Variants in NPC1 observed in about 807,000 individuals in gnomAD.
NPC1 encodes the protein NPC intracellular cholesterol transporter 1.
A neutral mutation model predicts 140.4 loss-of-function variants in NPC1; 85 were observed. That is an observed-to-expected ratio of 0.61 (90% confidence interval 0.51 to 0.72). The LOEUF (loss-of-function observed/expected upper bound fraction) is 0.72. Ranked by LOEUF, NPC1 falls within the 30% of genes least tolerant of loss-of-function variation. The pLI is 0.00. For missense variants in NPC1, 1,504 were observed against 1,623.8 expected (o/e 0.93, Z 1.27); for synonymous variants, 656 against 624.8 (o/e 1.05, Z -0.74).
chr18:23,549,228 A>T (rs2058832743), intron 10 of NPC1, among the ~76,000 whole-genome samples: 1 of 151,600 alleles, frequency 6.6e-6, no homozygotes, highest in South Asian at 2.1e-4. Context: ...ACAGGATCTC[A>T]CTCTGTTGCC....
intron 4 of NPC1, among the ~76,000 whole-genome samples, chr18:23,563,604 G>A (rs1217844339): frequency 6.6e-6 from 1 of 152,182 alleles, no homozygotes; most frequent in East Asian, 1.9e-4. Flanking sequence ...TGTAGAGATG[G>A]AGTTTCACCA....
chr18:23,529,078 C>T, downstream of NPC1: 1 of 1,507,132 alleles, frequency 6.6e-7, no homozygotes, highest in African/African-American at 1.4e-5. Context: ...CCGCTCATAT[C>T]CTGGGTCCAC....
downstream of NPC1, chr18:23,526,566 A>T: frequency 6.4e-7 from 1 of 1,570,190 alleles, no homozygotes; most frequent in Non-Finnish European, 8.6e-7. Flanking sequence ...GCAGATGTTT[A>T]GGGGAACCAC....
At chr18:23,586,170 T>C (rs1223271696) in intron 1 of NPC1, 117 bp downstream of exon 1, 1 of 1,117,752 alleles carries the variant, frequency 8.9e-7, no homozygotes, top group Non-Finnish European at 1.3e-6. Context: ...GAGCTCTCCA[T>C]CGCCAGACCA....
intron 1 of NPC1, among the ~76,000 whole-genome samples, chr18:23,578,890 G>A (rs184990739): frequency 9.2e-5 from 14 of 152,262 alleles, no homozygotes; most frequent in Admixed American, 4.6e-4. Context: ...TCCCAGGGAG[G>A]CTCCCTCGTG....
intron 19 of NPC1, 26 bp from the exon 20 acceptor site, chr18:23,538,697 GTTAGAA>G: frequency 6.2e-7 from 1 of 1,612,980 alleles, no homozygotes; most frequent in Non-Finnish European, 8.5e-7. Flanking sequence ...AGGGAGGACT[GTTAGAA>G]GAATAGGTCT....
chr18:23,561,752 AAAAC>A (rs2059043087), intron 4 of NPC1, among the ~76,000 whole-genome samples: 1 of 152,206 alleles, frequency 6.6e-6, no homozygotes, highest in Non-Finnish European at 1.5e-5. Flanking sequence ...TTAAAAGTAA[AAAAC>A]AGACAGGAAA....
At chr18:23,573,426 C>T in intron 2 of NPC1, 26 bp downstream of exon 2, 1 of 1,613,974 alleles carries the variant, frequency 6.2e-7, no homozygotes, top group Non-Finnish European at 8.5e-7. Flanking sequence ...ATTTTGTGTT[C>T]CCAGTGCCTA....
At chr18:23,523,560 A>AAG (rs1385333306) in intron 1 of NPC1, among the ~76,000 whole-genome samples, 2 of 148,768 alleles carry the variant, frequency 1.3e-5, no homozygotes, top group East Asian at 1.9e-4. Context: ...AAAAAAAAAA[A>AAG]AAAAAAAAAG....
chr18:23,507,089 C>A, intron 3 of NPC1: 2 of 1,377,620 alleles, frequency 1.5e-6, no homozygotes, highest in South Asian at 1.3e-5. Flanking sequence ...CATTAAAGGG[C>A]ATTAGAAATA....
At chr18:23,525,290 C>G (rs2058265127), downstream of NPC1, among the ~76,000 whole-genome samples, 1 of 151,996 alleles carries the variant, frequency 6.6e-6, no homozygotes, top group Admixed American at 6.6e-5. Context: ...CTCCGTCACC[C>G]AGCCTGGAGT....
chr18:23,531,026 G>A (rs192948989), downstream of NPC1, among the ~76,000 whole-genome samples: 87 of 151,938 alleles, frequency 5.7e-4, no homozygotes, highest in Middle Eastern at 3.4e-3. Context: ...ACAGAGTCTC[G>A]CTCCGTTGCC....
At chr18:23,526,202 G>A (rs920777933), downstream of NPC1, among the ~76,000 whole-genome samples, 2 of 152,208 alleles carry the variant, frequency 1.3e-5, no homozygotes, top group Non-Finnish European at 2.9e-5. Context: ...TCCATTGAGA[G>A]CCTCTGGAGT....
At chr18:23,516,924 C>T (rs1174208303) in intron 3 of NPC1, among the ~76,000 whole-genome samples, 3 of 151,936 alleles carry the variant, frequency 2.0e-5, no homozygotes, top group Admixed American at 6.6e-5. Context: ...CAGGGCTTCA[C>T]CATGTTGGCC....
intron 3 of NPC1, among the ~76,000 whole-genome samples, chr18:23,507,611 T>C (rs2057748642): frequency 6.6e-6 from 1 of 152,212 alleles, no homozygotes; most frequent in South Asian, 2.1e-4. Context: ...GAGGGAAGGC[T>C]GTTAGAAACA....
chr18:23,526,186 T>C (rs2058293211), downstream of NPC1, among the ~76,000 whole-genome samples: 1 of 152,232 alleles, frequency 6.6e-6, no homozygotes, highest in South Asian at 2.1e-4. Flanking sequence ...GGATGAGTTA[T>C]GATGTTCCAT....
chr18:23,533,118 A>G (rs1598931716), intron 24 of NPC1: 2 of 610,308 alleles, frequency 3.3e-6, no homozygotes, highest in Non-Finnish European at 5.3e-6. Flanking sequence ...TTTGTGAAGC[A>G]GACAGATCAG....
chr18:23,555,564 T>C (rs73967116), intron 8 of NPC1, among the ~76,000 whole-genome samples: 1,677 of 152,332 alleles, frequency 0.011, 24 homozygotes, highest in African/African-American at 0.039. Context: ...CTTGTAGACA[T>C]GAGCAATGTT....
chr18:23,559,193 G>A (rs1218829374), intron 6 of NPC1, among the ~76,000 whole-genome samples: 1 of 152,148 alleles, frequency 6.6e-6, no homozygotes, highest in Admixed American at 6.5e-5. Flanking sequence ...ACGTGTGCAT[G>A]TGTCTTTATA....
Sources: allele counts gnomAD v4.1 joint callset (sites outside exome capture counted in the v4.1 genomes callset), GRCh38; gene constraint gnomAD v4.1.1; transcripts MANE v1.5; gene names NCBI Gene and HGNC (gene_info 2026-07-23, HGNC 2026-07-21).